Variants in EYA2 observed in about 807,000 individuals in gnomAD.
EYA2 encodes protein phosphatase EYA2.
In EYA2, 31 loss-of-function variants were observed where a neutral mutation model predicts 69.2. The observed-to-expected ratio is 0.45, with a 90% CI of 0.34 to 0.60. The LOEUF is 0.60. Ranked by LOEUF, EYA2 falls within the 20% of genes least tolerant of loss-of-function variation. EYA2 has a pLI of 0.02. For missense variants in EYA2, 622 were observed against 701.2 expected (o/e 0.89, Z 1.28); for synonymous variants, 257 against 279.4 (o/e 0.92, Z 0.80).
chr20:47,021,626 CAAAAA>C (rs11477310), intron 5 of EYA2, among the ~76,000 whole-genome samples: 6 of 82,022 alleles, frequency 7.3e-5, no homozygotes, highest in East Asian at 3.1e-4. Flanking sequence ...GACTCCATCT[CAAAAA>C]AAAAAAAAAA....
chr20:47,183,338 G>A lies in EYA2; in HGVS notation c.1483G>A (p.Ala495Thr). 1 of 1,614,168 alleles carries A rather than the reference G, an allele frequency of 6.2e-7. No homozygotes were observed. The highest frequency in any genetic ancestry group is 8.5e-7 in the Non-Finnish European group (1 of 1,180,024). ...ERIMQRFGRK[A>T]VYVVIGDGVE... ...GATAATGCAGAGATTCGGCAGAAAA[G>A]CTGTCTACGTGGTGATCGGTGATGG... is the stretch of plus-strand genomic sequence containing the variant. The change falls in exon 15 of 16, where the codon GCT (alanine) becomes ACT (threonine). Residue 495 changes from alanine to threonine, a missense_variant. Transcript: ENST00000327619.
chr20:46,991,872 G>A (rs1981680164), intron 2 of EYA2, among the ~76,000 whole-genome samples: 1 of 150,050 alleles, frequency 6.7e-6, no homozygotes, highest in African/African-American at 2.4e-5. Context: ...GGAAGCTGAG[G>A]CAGGAGAATT....
At position 47,130,871 on chromosome 20, in the gene EYA2, C is replaced by T. The variant is rs186789194; in HGVS notation, c.889-12188C>T. On this transcript the variant is annotated intron_variant, in intron 9 of 15. Transcript: ENST00000327619. ...TTGGGAGGCCAAGGTAGGCAGATCACCTGAGGTCAGGAGTTCAAGACCAGC... is the reference window on the plus strand; with the variant it reads ...TTGGGAGGCCAAGGTAGGCAGATCATCTGAGGTCAGGAGTTCAAGACCAGC... 3.1e-3 allele frequency among the ~76,000 whole-genome samples: 473 copies of T among 152,266 alleles called. 6 individuals are homozygous for T. Among genetic ancestry groups the T allele is most frequent in the African/African-American group, 0.011 (453 of 41,568 alleles).
At chr20:46,985,129 G>A (rs974176574) in intron 1 of EYA2, among the ~76,000 whole-genome samples, 15 of 152,234 alleles carry the variant, frequency 9.9e-5, no homozygotes, top group Admixed American at 7.9e-4. Context: ...GGGCATGGTG[G>A]AAAATAAGGA....
intron 15 of EYA2, 148 bp downstream of exon 15, chr20:47,183,539 G>A: frequency 1.6e-6 from 1 of 637,246 alleles, no homozygotes; most frequent in South Asian, 2.0e-5. Flanking sequence ...CATTCCATTT[G>A]CAAATTGCAG....
At chr20:47,112,648 A>G (rs1568785825) in intron 9 of EYA2, among the ~76,000 whole-genome samples, 1 of 150,458 alleles carries the variant, frequency 6.6e-6, no homozygotes. Context: ...AAACTAGGCC[A>G]AAAAAAAAGC....
At chr20:47,030,828 G>A (rs1019722409) in intron 5 of EYA2, among the ~76,000 whole-genome samples, 20 of 152,176 alleles carry the variant, frequency 1.3e-4, no homozygotes, top group African/African-American at 4.8e-4. Context: ...TGCAATCGTA[G>A]TCACTATAAC....
At chr20:47,036,920 G>T (rs1366398118) in intron 5 of EYA2, among the ~76,000 whole-genome samples, 2 of 152,144 alleles carry the variant, frequency 1.3e-5, no homozygotes, top group Non-Finnish European at 2.9e-5. Flanking sequence ...ACAAATGATG[G>T]GTGTATTAGT....
intron 9 of EYA2, among the ~76,000 whole-genome samples, chr20:47,114,596 C>G (rs1170445955): frequency 1.3e-5 from 2 of 152,182 alleles, no homozygotes; most frequent in Non-Finnish European, 2.9e-5. Context: ...GCCTGGGCCA[C>G]AAGAGCAAGA....
chr20:46,902,229 C>T (rs960219900), intron 1 of EYA2, among the ~76,000 whole-genome samples: 1 of 152,064 alleles, frequency 6.6e-6, no homozygotes, highest in Non-Finnish European at 1.5e-5. Flanking sequence ...GCTGTCATTC[C>T]TTTGTGCTTA....
At chr20:46,983,550 C>A (rs1980976667) in intron 1 of EYA2, among the ~76,000 whole-genome samples, 1 of 152,182 alleles carries the variant, frequency 6.6e-6, no homozygotes, top group Non-Finnish European at 1.5e-5. Flanking sequence ...TGCAAAAAAG[C>A]TCTGCTTAAT....
chr20:47,064,519 TC>T (rs1466039515), intron 5 of EYA2, among the ~76,000 whole-genome samples: 1 of 152,202 alleles, frequency 6.6e-6, no homozygotes, highest in Non-Finnish European at 1.5e-5. Flanking sequence ...AATTGCTGAG[TC>T]ATATGGTAGT....
At chr20:47,156,123 CACACATATATATATAT>C (rs2033934112) in intron 10 of EYA2, among the ~76,000 whole-genome samples, 8 of 23,958 alleles carry the variant, frequency 3.3e-4, no homozygotes, top group East Asian at 1.7e-3. Flanking sequence ...CACACACACA[CACACATATATATATAT>C]ATATATATAT....
chr20:46,908,876 T>TC (rs1984500425), intron 1 of EYA2, among the ~76,000 whole-genome samples: 1 of 44,516 alleles, frequency 2.2e-5, no homozygotes, highest in African/African-American at 8.0e-5. Flanking sequence ...CGCACTTTTT[T>TC]TTTTTTTTTT....
intron 5 of EYA2, among the ~76,000 whole-genome samples, chr20:47,016,554 C>T (rs960315419): frequency 2.0e-5 from 3 of 152,158 alleles, no homozygotes; most frequent in Non-Finnish European, 4.4e-5. Context: ...TAAACCTGGT[C>T]TTTGCATAAA....
intron 2 of EYA2, among the ~76,000 whole-genome samples, chr20:46,991,923 G>A (rs537730196): frequency 3.8e-5 from 5 of 130,654 alleles, no homozygotes; most frequent in East Asian, 2.5e-4. Context: ...AGCCGAGATC[G>A]TACCATTGCA....
At chr20:47,165,412 C>T (rs1453095170) in intron 10 of EYA2, among the ~76,000 whole-genome samples, 1 of 152,218 alleles carries the variant, frequency 6.6e-6, no homozygotes, top group Admixed American at 6.5e-5. Context: ...CACTCCCCCA[C>T]TTCCCAGTGA....
intron 1 of EYA2, among the ~76,000 whole-genome samples, chr20:46,957,163 T>G (rs905095605): frequency 6.6e-6 from 1 of 152,248 alleles, no homozygotes; most frequent in Non-Finnish European, 1.5e-5. Context: ...TGCAAGCTTG[T>G]ATTTTTTAAG....
At chr20:46,934,684 C>G (rs1364389592) in intron 1 of EYA2, among the ~76,000 whole-genome samples, 2 of 151,962 alleles carry the variant, frequency 1.3e-5, no homozygotes, top group African/African-American at 4.8e-5. Flanking sequence ...ACCGTTCATT[C>G]AAACTTGATT....
Sources: gnomAD v4.1 joint callset for allele counts (sites outside exome capture counted in the v4.1 genomes callset) on GRCh38, gnomAD v4.1.1 for gene constraint, MANE v1.5 for transcripts, NCBI Gene and HGNC (gene_info 2026-07-23, HGNC 2026-07-21) for gene names.